Variants in NHEJ1 observed in about 807,000 individuals in gnomAD.
NHEJ1 encodes the protein non-homologous end joining factor 1.
NHEJ1 carries 22 observed loss-of-function variants against 39.4 expected under a neutral mutation model. The ratio of observed to expected loss-of-function variants is 0.56; its 90% CI spans 0.40 to 0.80. The LOEUF (loss-of-function observed/expected upper bound fraction) is 0.80, where lower values mean the gene tolerates loss of function less well. Among genes scored for constraint, NHEJ1 ranks in the 30% least tolerant of loss-of-function variants. The probability of loss-of-function intolerance (pLI) is 0.00; values close to 1 mark genes in which losing one functional copy is unlikely to be tolerated. For synonymous variants in NHEJ1, 154 were observed against 135.6 expected (o/e 1.14, Z -0.94); for missense variants, 329 against 357.1 (o/e 0.92, Z 0.63).
At chr2:219,108,149 AGCC>A (rs1949331048) in intron 5 of NHEJ1, among the ~76,000 whole-genome samples, 1 of 152,168 alleles carries the variant, frequency 6.6e-6, no homozygotes, top group South Asian at 2.1e-4. Flanking sequence ...AGCTTTGTCC[AGCC>A]CAGGAAGAAC....
intron 5 of NHEJ1, among the ~76,000 whole-genome samples, chr2:219,137,958 C>T (rs1353012380): frequency 2.0e-5 from 3 of 152,228 alleles, no homozygotes; most frequent in Middle Eastern, 3.4e-3. Flanking sequence ...TGCACCTGAC[C>T]GAATACCGAA....
rs1198989642 is a variant in NHEJ1, at chr2:219,075,704, A to C, written c.*677T>G. 1 of 152,398 alleles carries C rather than the reference A, an allele frequency of 6.6e-6. No individual in the cohort carries two copies. Among genetic ancestry groups the C allele is most frequent in the African/African-American group, 2.4e-5 (1 of 41,476 alleles). The allele number at this position is 152,398 out of a possible 1,614,324, so 9.4% of individuals were successfully genotyped here. ...CACGTGGTAGTTTAACCTGTTGCCT[A>C]TACTTTGGAAACAAAGAGAAAAATG... is the stretch of plus-strand genomic sequence containing the variant. On this transcript the variant is annotated 3_prime_UTR_variant, in exon 8 of 8. Coordinates refer to ENST00000356853, the MANE Select transcript of NHEJ1 (RefSeq NM_024782.3).
chr2:219,142,590 G>C (rs1319755981), intron 5 of NHEJ1, among the ~76,000 whole-genome samples: 4 of 152,266 alleles, frequency 2.6e-5, no homozygotes, highest in Non-Finnish European at 4.4e-5. Flanking sequence ...CAGATGGAGA[G>C]AGCGAGGCAT....
At chr2:219,122,687 TAGTTTTA>T (rs2106346044) in intron 5 of NHEJ1, among the ~76,000 whole-genome samples, 1 of 152,292 alleles carries the variant, frequency 6.6e-6, no homozygotes, top group African/African-American at 2.4e-5. Context: ...GAAATAGGGT[TAGTTTTA>T]AGTTCTAGAA....
At chr2:219,160,251 G>A (rs186443554) in intron 1 of NHEJ1, among the ~76,000 whole-genome samples, 112 of 152,338 alleles carry the variant, frequency 7.4e-4, no homozygotes, top group African/African-American at 2.5e-3. Flanking sequence ...GCCCTGCAGA[G>A]GGCAGTAGAG....
chr2:219,101,515 A>G (rs1419297466), intron 5 of NHEJ1, among the ~76,000 whole-genome samples: 3 of 151,902 alleles, frequency 2.0e-5, no homozygotes, highest in African/African-American at 7.3e-5. Context: ...GGCTCAAGCA[A>G]TCCTCCCATC....
At chr2:219,080,693 A>ATATATTCTAATATATATGCT (rs1553542339) in intron 5 of NHEJ1, among the ~76,000 whole-genome samples, 1 of 92,126 alleles carries the variant, frequency 1.1e-5, no homozygotes, top group Non-Finnish European at 2.1e-5. Context: ...ATATATGCTT[A>ATATATTCTAATATATATGCT]TATATATATA....
chr2:219,148,883 C>G (rs1349099584), intron 3 of NHEJ1, among the ~76,000 whole-genome samples: 14 of 151,684 alleles, frequency 9.2e-5, no homozygotes, highest in East Asian at 1.9e-4. Flanking sequence ...TACACACAAC[C>G]CCCCCTTTTT....
intron 5 of NHEJ1, among the ~76,000 whole-genome samples, chr2:219,104,126 C>G (rs906781369): frequency 6.6e-6 from 1 of 151,832 alleles, no homozygotes; most frequent in Non-Finnish European, 1.5e-5. Flanking sequence ...CTTGGTTGAA[C>G]AAAGTCAGGG....
chr2:219,112,308 G>A (rs1949373057), intron 5 of NHEJ1, among the ~76,000 whole-genome samples: 1 of 152,074 alleles, frequency 6.6e-6, no homozygotes, highest in Non-Finnish European at 1.5e-5. Flanking sequence ...GGAAGCTCAA[G>A]GAACCCCAGT....
rs1240768416 is a variant in NHEJ1 at position 219,078,075 on chromosome 2, T to A, written c.706+14A>T. ...TGTATCCTCACACAGACCGGGTACC[T>A]CTGGAGGGCTCACCAGCGCCTTGAT... is the stretch of plus-strand genomic sequence containing the variant. On this transcript the variant is annotated intron_variant, in intron 6 of 7. Transcript: ENST00000356853. The A allele has an allele frequency of 6.3e-7, 1 of 1,589,562 alleles. No individual in the cohort carries two copies. Among genetic ancestry groups the A allele is most frequent in the Non-Finnish European group, 8.6e-7 (1 of 1,157,668 alleles).
At chr2:219,094,259 T>C in intron 5 of NHEJ1, among the ~76,000 whole-genome samples, 1 of 151,900 alleles carries the variant, frequency 6.6e-6, no homozygotes, top group East Asian at 1.9e-4. Context: ...ATTAAAAAGA[T>C]CCCAGAAAAA....
At chr2:219,108,889 T>C (rs920469020) in intron 5 of NHEJ1, among the ~76,000 whole-genome samples, 3 of 152,226 alleles carry the variant, frequency 2.0e-5, no homozygotes, top group Non-Finnish European at 4.4e-5. Flanking sequence ...GTTAGTTCTA[T>C]ACCTGTGCTA....
At chr2:219,096,424 G>A (rs1181098188) in intron 5 of NHEJ1, among the ~76,000 whole-genome samples, 1 of 152,216 alleles carries the variant, frequency 6.6e-6, no homozygotes, top group Non-Finnish European at 1.5e-5. Flanking sequence ...TCCAGGTACT[G>A]TTCTTGGCTA....
chr2:219,112,974 C>T (rs1414553921), intron 5 of NHEJ1, among the ~76,000 whole-genome samples: 9 of 151,946 alleles, frequency 5.9e-5, no homozygotes, highest in Non-Finnish European at 1.0e-4. Flanking sequence ...AAATTAGTTG[C>T]CCAGATTTAT....
At chr2:219,141,111 G>A (rs1949686853) in intron 5 of NHEJ1, among the ~76,000 whole-genome samples, 1 of 152,206 alleles carries the variant, frequency 6.6e-6, no homozygotes, top group Admixed American at 6.5e-5. Flanking sequence ...CAGGAACAGT[G>A]GCTCACACCT....
rs144182117 is a variant in NHEJ1 at position 219,158,237 on chromosome 2, T to C, written c.126A>G (p.Gln42=). The change falls in exon 2 of 8, where the codon CAA becomes CAG. Residue 42 remains glutamine, a synonymous_variant. Coordinates refer to ENST00000356853, the MANE Select transcript of NHEJ1 (RefSeq NM_024782.3). ...TGTCCACCTGTTCATGCCACACCTG[T>C]TGAAGATCTGAAACCAACAAGGCAT... The part of the protein sequence containing the change: ...QGYALLVSDL[Q]QVWHEQVDTS... The C allele has an allele frequency of 1.2e-6, 2 of 1,614,240 alleles. No individual in the cohort carries two copies. Among genetic ancestry groups the C allele is most frequent in the Non-Finnish European group, 1.7e-6 (2 of 1,180,048 alleles).
intron 5 of NHEJ1, among the ~76,000 whole-genome samples, chr2:219,128,928 T>C (rs919204826): frequency 6.6e-6 from 1 of 152,218 alleles, no homozygotes; most frequent in Non-Finnish European, 1.5e-5. Flanking sequence ...GCACTTCCTA[T>C]AGCCTACTTT....
chr2:219,154,163 C>CT (rs920036226), intron 3 of NHEJ1, among the ~76,000 whole-genome samples: 22 of 151,946 alleles, frequency 1.4e-4, no homozygotes, highest in African/African-American at 5.1e-4. Context: ...TCTCTAAGTT[C>CT]TTTTTTTTAA....
Sources: gnomAD v4.1 joint callset for allele counts (sites outside exome capture counted in the v4.1 genomes callset) on GRCh38, gnomAD v4.1.1 for gene constraint, MANE v1.5 for transcripts, NCBI Gene and HGNC (gene_info 2026-07-23, HGNC 2026-07-21) for gene names.